MYO15A: variants seen among roughly 807,000 people sequenced by gnomAD.
MYO15A encodes the protein myosin XVA, also known as unconventional myosin-XV.
A neutral mutation model predicts 394.6 loss-of-function variants in MYO15A; 308 were observed. The ratio of observed to expected loss-of-function variants is 0.78; its 90% CI spans 0.71 to 0.86. MYO15A has a LOEUF of 0.86. Ranked by LOEUF, MYO15A falls within the 40% of genes least tolerant of loss-of-function variation. The pLI, the probability that MYO15A is intolerant of heterozygous loss-of-function variation, is 0.00. For missense variants in MYO15A, 4,606 were observed against 4,799.1 expected, an observed-to-expected ratio of 0.96 and a Z score of 1.19; for synonymous variants, 1,957 against 2,003.8, an observed-to-expected ratio of 0.98 and a Z score of 0.62.
chr17:18,173,545 T>C (rs2142435299), intron 64 of MYO15A: 3 of 597,234 alleles, frequency 5.0e-6, no homozygotes, highest in Non-Finnish European at 9.3e-6. Flanking sequence ...CAGTGCCTGG[T>C]ACATGATAGA....
Position 18,132,843 on chromosome 17 carries a change from C to T in MYO15A, c.4320+277C>T, listed in dbSNP as rs2046193200. On this transcript the variant is annotated intron_variant, in intron 11 of 65. Transcript: ENST00000647165. The surrounding 1 kb of genome is among the most constrained non-coding windows in gnomAD (Gnocchi z 4.6). ...GTTTCTACACTTCCCCTCTCTGTGC[C>T]TCAGTTTCCTCACCTGTAAAATGGG... 6.6e-6 allele frequency among the ~76,000 whole-genome samples: 1 copy of T among 152,210 alleles called. No individual in the cohort carries two copies. Among genetic ancestry groups the T allele is most frequent in the African/African-American group, 2.4e-5 (1 of 41,462 alleles).
chr17:18,143,819 G>A (rs1417442640), intron 27 of MYO15A, 23 bp downstream of exon 27: 7 of 1,571,628 alleles, frequency 4.5e-6, no homozygotes, highest in African/African-American at 1.4e-5. Flanking sequence ...CAGGCGGGGG[G>A]AGGGCCCAGG....
intron 62 of MYO15A, among the ~76,000 whole-genome samples, chr17:18,170,976 T>TAC (rs2046932203): frequency 3.3e-5 from 5 of 152,254 alleles, no homozygotes; most frequent in Admixed American, 2.6e-4. Context: ...GGACAGATGT[T>TAC]ACCCAGGGGA....
intron 60 of MYO15A, 42 bp downstream of exon 60, chr17:18,163,880 C>G (rs563682437): frequency 3.1e-6 from 5 of 1,589,980 alleles, no homozygotes; most frequent in African/African-American, 1.3e-5. Flanking sequence ...CCATTCCCAT[C>G]CCCGGGCCTT....
chr17:18,151,750 G>C (rs1048953984), intron 40 of MYO15A, 96 bp from the exon 41 acceptor site: 34 of 1,249,756 alleles, frequency 2.7e-5, no homozygotes, highest in Non-Finnish European at 3.9e-5. Flanking sequence ...ATAATGATAG[G>C]GGGTGGTGGA....
At chr17:18,140,705 C>T in intron 20 of MYO15A, 40 bp downstream of exon 20, 1 of 1,614,094 alleles carries the variant, frequency 6.2e-7, no homozygotes, top group Non-Finnish European at 8.5e-7. Context: ...CCAGCCTCAT[C>T]CTTAACCCAC....
intron 3 of MYO15A, 69 bp downstream of exon 3, chr17:18,124,634 G>A: frequency 6.8e-7 from 1 of 1,479,566 alleles, no homozygotes; most frequent in Non-Finnish European, 9.3e-7. Context: ...AGCCAGAGCA[G>A]CTCCTCCTGC....
chr17:18,136,104 C>G (rs2142316830), intron 13 of MYO15A, among the ~76,000 whole-genome samples: 1 of 152,320 alleles, frequency 6.6e-6, no homozygotes, highest in East Asian at 1.9e-4. Context: ...AGAAGCCTTC[C>G]CTAATCTTTG....
At chr17:18,130,839 T>TGTGA in intron 8 of MYO15A, 29 bp downstream of exon 8, 7 of 1,511,244 alleles carry the variant, frequency 4.6e-6, no homozygotes, top group African/African-American at 2.8e-5. Flanking sequence ...TGTGTGTGTG[T>TGTGA]GTGTGTGTGT....
chr17:18,148,342 G>A lies in MYO15A; in HGVS notation c.6691+132G>A. 6.8e-7 allele frequency: 1 copy of A among 1,467,472 alleles called. No homozygotes were observed. The highest frequency in any genetic ancestry group is 9.3e-7 in the Non-Finnish European group (1 of 1,077,888). The allele number at this position is 1,467,472 out of a possible 1,614,324, so 90.9% of individuals were successfully genotyped here. A position where few individuals can be genotyped will look rare whatever the true frequency, so the allele number is the denominator to read the frequency against. ...TTCTCAGATGTGGCTCTGCGTGAAA[G>A]TCTGTGTGTGGGGGTGGGACCTGGC... On this transcript the variant is annotated intron_variant, in intron 31 of 65. Coordinates refer to ENST00000647165, the MANE Select transcript of MYO15A (RefSeq NM_016239.4). The surrounding 1 kb of genome is among the most constrained non-coding windows in gnomAD (Gnocchi z 4.8).
At chr17:18,129,308 G>T (rs142612185) in intron 7 of MYO15A, among the ~76,000 whole-genome samples, 1 of 152,312 alleles carries the variant, frequency 6.6e-6, no homozygotes, top group Non-Finnish European at 1.5e-5. Context: ...TTTATGCCCT[G>T]CTGTATGCTG....
Position 18,169,212 on chromosome 17 carries a change from C to A in MYO15A, c.10082+1489C>A, listed in dbSNP as rs146765527. On this transcript the variant is annotated intron_variant, in intron 62 of 65. Coordinates refer to ENST00000647165, the MANE Select transcript of MYO15A (RefSeq NM_016239.4). ...CTGTAATCCCAGCACTTTGGGAGGTCGAGGTGCGTGGATCACCTGAGGTCA... is the reference window on the plus strand; with the variant it reads ...CTGTAATCCCAGCACTTTGGGAGGTAGAGGTGCGTGGATCACCTGAGGTCA... Among the ~76,000 whole-genome samples, 227 of 150,966 alleles carry A rather than the reference C, an allele frequency of 1.5e-3. 6 individuals are homozygous for A. The East Asian group carries it at 0.039, about 26-fold the overall frequency.
chr17:18,174,010 G>A, intron 65 of MYO15A, 89 bp downstream of exon 65: 1 of 1,521,914 alleles, frequency 6.6e-7, no homozygotes, highest in Non-Finnish European at 8.9e-7. Flanking sequence ...CCATGCCCCA[G>A]GGAGTATCCA....
At chr17:18,128,475 C>T (rs2046093341) in intron 7 of MYO15A, among the ~76,000 whole-genome samples, 1 of 152,288 alleles carries the variant, frequency 6.6e-6, no homozygotes, top group Non-Finnish European at 1.5e-5. Context: ...GCTTTGCAGT[C>T]AGGTTCCAGC....
rs978330471 is a variant in MYO15A, at chr17:18,117,247, G to A, written c.-219-1335G>A. Among the ~76,000 whole-genome samples, 4 of 152,232 alleles carry A rather than the reference G, an allele frequency of 2.6e-5. No individual in the cohort carries two copies. Among genetic ancestry groups the A allele is most frequent in the African/African-American group, 9.6e-5 (4 of 41,454 alleles). On this transcript the variant is annotated intron_variant, in intron 1 of 65. Coordinates refer to ENST00000647165, the MANE Select transcript of MYO15A (RefSeq NM_016239.4). This position sits in a 1 kb window ranked among gnomAD's most constrained non-coding sequence, Gnocchi z 4.1. Reference sequence around the variant, plus strand: ...GAGGAGGAGCAGGAAGAAGAGGAAAGTGAAGAGCCAGAGAAAGTGAGCAGG... The same window carrying A: ...GAGGAGGAGCAGGAAGAAGAGGAAAATGAAGAGCCAGAGAAAGTGAGCAGG...
chr17:18,145,933 A>G lies in MYO15A; in HGVS notation c.6335A>G (p.Tyr2112Cys). 6.2e-7 allele frequency: 1 copy of G among 1,613,782 alleles called. No individual in the cohort carries two copies. Among genetic ancestry groups the G allele is most frequent in the South Asian group, 1.1e-5 (1 of 91,084 alleles). ...HGARENIFGNYIVQKGLAVPE... is the reference protein window; with the variant it reads ...HGARENIFGNCIVQKGLAVPE... ...GCCCGGGAGAACATCTTCGGGAACTACATCGTGCAGAAGGGGCTGGCGGTG... is the reference window on the plus strand; with the variant it reads ...GCCCGGGAGAACATCTTCGGGAACTGCATCGTGCAGAAGGGGCTGGCGGTG... Residue 2112 changes from tyrosine (Y) to cysteine (C), a missense_variant, in exon 30 of 66, where the codon TAC (tyrosine) becomes TGC (cysteine). Physicochemically the swap from Tyr to Cys is radical, Grantham distance 194. This residue lies in a region of MYO15A where 2,776 missense variants were observed against 3,109.3 expected (regional missense o/e 0.89). Transcript: ENST00000647165.
chr17:18,142,889 A>G (rs1002932511), intron 25 of MYO15A, 49 bp downstream of exon 25: 2 of 1,541,500 alleles, frequency 1.3e-6, no homozygotes, highest in African/African-American at 1.4e-5. Context: ...GAGAAGGGGA[A>G]AGGGCACTTA....
chr17:18,148,243 G>A lies in MYO15A; in HGVS notation c.6691+33G>A. On this transcript the variant is annotated intron_variant, in intron 31 of 65. Coordinates refer to ENST00000647165, the MANE Select transcript of MYO15A (RefSeq NM_016239.4). This position sits in a 1 kb window ranked among gnomAD's most constrained non-coding sequence, Gnocchi z 4.8. The stretch of plus-strand genomic sequence containing the variant: ...GCCTTCCCCCACCTCAGTGAGGGCA[G>A]TGGGAGTCAGCAGGGCCCAGTGAGC... The A allele has an allele frequency of 6.2e-7, 1 of 1,612,308 alleles. No homozygotes were observed. Among genetic ancestry groups the A allele is most frequent in the Non-Finnish European group, 8.5e-7 (1 of 1,179,730 alleles).
chr17:18,159,096 C>A, intron 53 of MYO15A, 99 bp downstream of exon 53: 1 of 1,416,184 alleles, frequency 7.1e-7, no homozygotes, highest in Non-Finnish European at 9.8e-7. Context: ...TCAGTGAGAC[C>A]CTCTGATTCT....
Sources: allele counts gnomAD v4.1 joint callset (sites outside exome capture counted in the v4.1 genomes callset), GRCh38; gene constraint gnomAD v4.1.1; regional missense constraint gnomAD v4.1.1; non-coding constraint Gnocchi (gnomAD v3.1); transcripts MANE v1.5; gene names NCBI Gene and HGNC (gene_info 2026-07-23, HGNC 2026-07-21).